The following AUTS2 variants were observed in gnomAD, a reference collection of about 807,000 sequenced individuals.
AUTS2 encodes autism susceptibility gene 2 protein.
A neutral mutation model predicts 112.4 loss-of-function variants in AUTS2; 17 were observed. The ratio of observed to expected loss-of-function variants is 0.15; its 90% CI spans 0.10 to 0.23. The LOEUF is 0.23. Ranked by LOEUF, AUTS2 falls within the 10% of genes least tolerant of loss-of-function variation. The pLI is 1.00. For synonymous variants in AUTS2, 751 were observed against 702.7 expected (o/e 1.07, Z -1.09); for missense variants, 1,510 against 1,701.6 (o/e 0.89, Z 1.98).
intron 2 of AUTS2, among the ~76,000 whole-genome samples, chr7:70,085,537 T>C (rs1323963871): frequency 6.6e-6 from 1 of 152,080 alleles, no homozygotes; most frequent in Non-Finnish European, 1.5e-5. Context: ...AGCTAATTTT[T>C]GTATTTTTTA....
At chr7:70,289,707 G>A (rs1474028728) in intron 4 of AUTS2, among the ~76,000 whole-genome samples, 2 of 152,186 alleles carry the variant, frequency 1.3e-5, no homozygotes, top group African/African-American at 4.8e-5. Flanking sequence ...TTGAGGATTA[G>A]ATGATTTTGG....
chr7:70,058,709 G>A (rs1322908188), intron 2 of AUTS2, among the ~76,000 whole-genome samples: 2 of 150,120 alleles, frequency 1.3e-5, no homozygotes, highest in Non-Finnish European at 3.0e-5. Context: ...CATACTTCAT[G>A]TCTTTCCTTA....
At chr7:70,103,196 A>G (rs941720746) in intron 2 of AUTS2, among the ~76,000 whole-genome samples, 1 of 152,186 alleles carries the variant, frequency 6.6e-6, no homozygotes, top group Non-Finnish European at 1.5e-5. Flanking sequence ...TTATTAATAC[A>G]ATGTTACTCT....
At chr7:69,646,531 A>G (rs936714698) in intron 1 of AUTS2, among the ~76,000 whole-genome samples, 1 of 152,218 alleles carries the variant, frequency 6.6e-6, no homozygotes, top group African/African-American at 2.4e-5. Flanking sequence ...ACTTTCTCCA[A>G]ATATTAGCTC....
chr7:70,790,804 C>T lies in AUTS2; in HGVS notation c.3588C>T (p.Arg1196=). ...GACTCCCCAGCATGCACTATCCCCGCATCAGCCCCACCGCGGGCAACCAGA... is the reference window on the plus strand; with the variant it reads ...GACTCCCCAGCATGCACTATCCCCGTATCAGCCCCACCGCGGGCAACCAGA... The part of the protein sequence containing the change: ...TPGLPSMHYP[R]ISPTAGNQNG... Residue 1196 remains arginine (R), a synonymous_variant, in exon 19 of 19, where the codon CGC becomes CGT. Coordinates refer to ENST00000342771, the MANE Select transcript of AUTS2 (RefSeq NM_015570.4). The surrounding 1 kb of genome is among the most constrained non-coding windows in gnomAD (Gnocchi z 7.6). 1 of 1,608,552 alleles carries T rather than the reference C, an allele frequency of 6.2e-7. No individual in the cohort carries two copies. The highest frequency in any genetic ancestry group is 8.5e-7 in the Non-Finnish European group (1 of 1,176,588).
At position 69,723,212 on chromosome 7, in the gene AUTS2, T is replaced by G. The variant is rs560447129; in HGVS notation, c.309+123250T>G. On this transcript the variant is annotated intron_variant, in intron 1 of 18. Transcript: ENST00000342771. ...GCCTTGATCATTTGGAGTAGCAGAA[T>G]CGTGGTCTTGTGTATATATAGAGTG... Among the ~76,000 whole-genome samples, 3 of 152,210 alleles carry G rather than the reference T, an allele frequency of 2.0e-5. No individual in the cohort carries two copies. In the East Asian group the frequency reaches 5.8e-4, roughly 29 times the overall value.
At chr7:69,911,429 G>C (rs536992446) in intron 2 of AUTS2, among the ~76,000 whole-genome samples, 1 of 152,188 alleles carries the variant, frequency 6.6e-6, no homozygotes, top group Admixed American at 6.5e-5. Context: ...CGAGCAGGGG[G>C]GAAAGTGTGT....
intron 4 of AUTS2, among the ~76,000 whole-genome samples, chr7:70,254,706 CCTT>C (rs1197055007): frequency 6.6e-6 from 1 of 152,100 alleles, no homozygotes; most frequent in Admixed American, 6.6e-5. Flanking sequence ...TTTGTAATCT[CCTT>C]AAGAGCAAAT....
rs368325236 is a variant in AUTS2, at chr7:70,638,686, G to A, written c.691-59883G>A. The stretch of plus-strand genomic sequence containing the variant: ...CTTGACAGCTGAGGAAAAGCCAAGC[G>A]CTTTAATCTTTTTTTCCCTTTAGTT... On this transcript the variant is annotated intron_variant, in intron 5 of 18. Transcript: ENST00000342771. Among the ~76,000 whole-genome samples the A allele has an allele frequency of 5.1e-4, 78 of 152,246 alleles. No individual in the cohort carries two copies. The East Asian group carries it at 7.5e-3, about 15-fold the overall frequency.
At chr7:70,350,299 T>C (rs1791689569) in intron 4 of AUTS2, among the ~76,000 whole-genome samples, 1 of 152,188 alleles carries the variant, frequency 6.6e-6, no homozygotes, top group Admixed American at 6.5e-5. Flanking sequence ...ATAGCGATAA[T>C]TTGATATTTC....
chr7:70,014,025 A>AT (rs1337859989), intron 2 of AUTS2, among the ~76,000 whole-genome samples: 6 of 152,146 alleles, frequency 3.9e-5, no homozygotes, highest in Non-Finnish European at 7.4e-5. Flanking sequence ...CTCATCAGTT[A>AT]TTTTTTAATT....
intron 1 of AUTS2, among the ~76,000 whole-genome samples, chr7:69,745,503 T>C (rs1787451579): frequency 6.6e-6 from 1 of 152,220 alleles, no homozygotes; most frequent in Non-Finnish European, 1.5e-5. Flanking sequence ...ATCAGCTTGC[T>C]TTCGTTGAAG....
intron 5 of AUTS2, among the ~76,000 whole-genome samples, chr7:70,520,115 G>A (rs1033859393): frequency 2.0e-5 from 3 of 151,896 alleles, no homozygotes; most frequent in Non-Finnish European, 4.4e-5. Context: ...ATTTCAATGA[G>A]GTCCTCTTTA....
chr7:70,613,033 G>A (rs138586642), intron 5 of AUTS2, among the ~76,000 whole-genome samples: 4 of 152,142 alleles, frequency 2.6e-5, no homozygotes, highest in East Asian at 1.9e-4. Context: ...TTTCTTCTTC[G>A]CTTGGGTGCA....
At chr7:70,230,582 G>A (rs1050083766) in intron 4 of AUTS2, among the ~76,000 whole-genome samples, 3 of 152,212 alleles carry the variant, frequency 2.0e-5, no homozygotes, top group African/African-American at 7.2e-5. Flanking sequence ...CTTAATTTTT[G>A]TGTTGTAAGG....
At chr7:70,438,369 G>C (rs964311337) in intron 5 of AUTS2, among the ~76,000 whole-genome samples, 12 of 152,110 alleles carry the variant, frequency 7.9e-5, no homozygotes, top group African/African-American at 2.7e-4. Context: ...GGGGTATTAG[G>C]AGTGTTCCTC....
chr7:69,747,708 C>G (rs896512040), intron 1 of AUTS2, among the ~76,000 whole-genome samples: 4 of 151,742 alleles, frequency 2.6e-5, no homozygotes, highest in Non-Finnish European at 5.9e-5. Flanking sequence ...TTGGCTCTCC[C>G]ACAGTTTTTG....
chr7:69,987,701 C>T (rs1798571152), intron 2 of AUTS2, among the ~76,000 whole-genome samples: 1 of 152,116 alleles, frequency 6.6e-6, no homozygotes, highest in South Asian at 2.1e-4. Flanking sequence ...AATTTCTGTC[C>T]TCAAGTGATA....
At chr7:70,328,739 T>G (rs1238444326) in intron 4 of AUTS2, among the ~76,000 whole-genome samples, 1 of 152,186 alleles carries the variant, frequency 6.6e-6, no homozygotes, top group Non-Finnish European at 1.5e-5. Context: ...GATGCAAGAT[T>G]TAAGAGAATG....
Sources: gnomAD v4.1 joint callset for allele counts (sites outside exome capture counted in the v4.1 genomes callset) on GRCh38, gnomAD v4.1.1 for gene constraint, Gnocchi (gnomAD v3.1) non-coding constraint, MANE v1.5 for transcripts, NCBI Gene and HGNC (gene_info 2026-07-23, HGNC 2026-07-21) for gene names.